The following RFC3 variants were observed in gnomAD, a reference collection of about 807,000 sequenced individuals.
RFC3 encodes the protein A1 38 kDa subunit.
In RFC3, 41 loss-of-function variants were observed where a neutral mutation model predicts 45.1. The observed-to-expected ratio is 0.91, with a 90% CI of 0.71 to 1.18. The LOEUF is 1.18. Ranked by LOEUF, RFC3 falls within the 50% of genes most tolerant of loss-of-function variation. The pLI, the probability that RFC3 is intolerant of heterozygous loss-of-function variation, is 0.00. For missense variants in RFC3, 423 were observed against 428.1 expected (o/e 0.99, Z 0.10); for synonymous variants, 149 against 144.0 (o/e 1.03, Z -0.25).
intron 4 of RFC3, among the ~76,000 whole-genome samples, chr13:33,827,554 G>A (rs928080951): frequency 2.0e-5 from 3 of 152,122 alleles, no homozygotes; most frequent in African/African-American, 7.2e-5. Context: ...AATAATACCT[G>A]ATTACAATTA....
chr13:33,834,329 T>TATATATATATATATATATACATAC (rs1300798923), intron 7 of RFC3, among the ~76,000 whole-genome samples: 3 of 125,106 alleles, frequency 2.4e-5, no homozygotes, highest in Admixed American at 8.4e-5. Flanking sequence ...TATATATATA[T>TATATATATATATATATATACATAC]ATCTGTACTG....
intron 1 of RFC3, among the ~76,000 whole-genome samples, 199 bp from the exon 2 acceptor site, chr13:33,820,933 A>G (rs2139374947): frequency 6.7e-6 from 1 of 148,592 alleles, no homozygotes; most frequent in African/African-American, 2.4e-5. Context: ...ATATATATAT[A>G]TAAAAGATAC....
At chr13:33,962,041 G>T (rs1489974585) in intron 8 of RFC3, among the ~76,000 whole-genome samples, 1 of 152,224 alleles carries the variant, frequency 6.6e-6, no homozygotes, top group Non-Finnish European at 1.5e-5. Flanking sequence ...TGGCTTGGGA[G>T]TGTCAGGCAA....
rs79978845 is a variant in RFC3, at chr13:33,842,905, T to C, written c.879+7688T>C. Among the ~76,000 whole-genome samples, 1,404 of 152,284 alleles carry C rather than the reference T, an allele frequency of 9.2e-3. 27 individuals are homozygous for C. The highest frequency in any genetic ancestry group is 0.032 in the African/African-American group (1,330 of 41,558). ...TAAAAATCTATGATTTTATGTTTCATATAAATTAAAAATTTGTTCATGGGA... is the reference window on the plus strand; with the variant it reads ...TAAAAATCTATGATTTTATGTTTCACATAAATTAAAAATTTGTTCATGGGA... On this transcript the variant is annotated intron_variant, in intron 8 of 8. Coordinates refer to the RFC3 transcript ENST00000434425.
chr13:33,879,729 T>G (rs1306512747), intron 8 of RFC3, among the ~76,000 whole-genome samples: 2 of 152,226 alleles, frequency 1.3e-5, no homozygotes, highest in Non-Finnish European at 2.9e-5. Context: ...CCAACAAACT[T>G]AGCGGTTTAA....
chr13:33,820,228 A>T (rs1288305147), intron 1 of RFC3, among the ~76,000 whole-genome samples: 1 of 152,234 alleles, frequency 6.6e-6, no homozygotes, highest in Non-Finnish European at 1.5e-5. Context: ...AGATACTGTT[A>T]GTGCCCTACC....
At chr13:33,866,491 TA>T (rs1379312815) in intron 8 of RFC3, among the ~76,000 whole-genome samples, 3 of 152,200 alleles carry the variant, frequency 2.0e-5, no homozygotes, top group African/African-American at 7.2e-5. Context: ...AAATAAGAAA[TA>T]AAACCATCTC....
chr13:33,959,975 G>A (rs934954949), intron 8 of RFC3, among the ~76,000 whole-genome samples: 7 of 152,114 alleles, frequency 4.6e-5, no homozygotes. Context: ...AGGTCACATA[G>A]TGAAAGCAGG....
chr13:33,868,608 A>C (rs901897263), intron 8 of RFC3, among the ~76,000 whole-genome samples: 3 of 152,182 alleles, frequency 2.0e-5, no homozygotes, highest in Non-Finnish European at 4.4e-5. Context: ...CTTCATTTAC[A>C]TAGAGTGTAA....
rs9570361 is a variant in RFC3 at position 33,845,597 on chromosome 13, G to C, written c.879+10380G>C. Among the ~76,000 whole-genome samples, 898 of 152,164 alleles carry C rather than the reference G, an allele frequency of 5.9e-3. 28 individuals are homozygous for C. In the East Asian group the frequency reaches 0.087, roughly 15 times the overall value. On this transcript the variant is annotated intron_variant, in intron 8 of 8. Coordinates refer to the RFC3 transcript ENST00000434425. ...ATTAATAGGCCAATTGAATTTTTCAGCTGCAGAATTTCTGTTTGATTTTTA... is the reference window on the plus strand; with the variant it reads ...ATTAATAGGCCAATTGAATTTTTCACCTGCAGAATTTCTGTTTGATTTTTA...
chr13:33,927,276 A>G (rs2082819948), intron 8 of RFC3, among the ~76,000 whole-genome samples: 1 of 151,984 alleles, frequency 6.6e-6, no homozygotes, highest in Non-Finnish European at 1.5e-5. Flanking sequence ...ACATGCCCAG[A>G]CCTGGATGGC....
At chr13:33,866,881 G>A (rs962130288) in intron 8 of RFC3, among the ~76,000 whole-genome samples, 1 of 152,066 alleles carries the variant, frequency 6.6e-6, no homozygotes, top group Non-Finnish European at 1.5e-5. Flanking sequence ...GGGTAAATAG[G>A]GTAAATAATC....
chr13:33,905,820 A>G (rs1350808038), intron 8 of RFC3, among the ~76,000 whole-genome samples: 1 of 152,094 alleles, frequency 6.6e-6, no homozygotes, highest in Non-Finnish European at 1.5e-5. Context: ...AAAACAAACA[A>G]ACCAAGAACA....
intron 7 of RFC3, among the ~76,000 whole-genome samples, chr13:33,833,621 C>G (rs2139418709): frequency 6.6e-6 from 1 of 152,266 alleles, no homozygotes; most frequent in East Asian, 1.9e-4. Context: ...GCACTACACA[C>G]AGTATAGTTA....
At chr13:33,827,818 T>G (rs1267432434) in intron 4 of RFC3, among the ~76,000 whole-genome samples, 3 of 152,224 alleles carry the variant, frequency 2.0e-5, no homozygotes, top group East Asian at 1.9e-4. Flanking sequence ...TTGGTCATTT[T>G]GTTAAAAGTA....
intron 8 of RFC3, chr13:33,847,181 C>A (rs2082243887): frequency 6.6e-6 from 1 of 152,404 alleles, no homozygotes; most frequent in Non-Finnish European, 1.5e-5. Context: ...GGATTACAGG[C>A]GTGAGCCACC....
Position 33,823,947 on chromosome 13 carries a change from AC to A in RFC3, c.258del (p.Ile87LeufsTer20). On this transcript the variant is annotated frameshift_variant, in exon 3 of 9. Coordinates refer to ENST00000380071, the MANE Select transcript of RFC3 (RefSeq NM_002915.4). LOFTEE classifies it high-confidence loss of function. ...ATCTAAAAAAAAAATTGAAATTAGC[AC>A]CATTGCAAGTAACTACCACCTTGAA... ...TPSKKKIEIS[T>X]IASNYHLEVN... is the part of the protein sequence containing the mutation. 1 of 1,569,148 alleles carries A rather than the reference AC, an allele frequency of 6.4e-7. No individual in the cohort carries two copies. Among genetic ancestry groups the A allele is most frequent in the Non-Finnish European group, 8.7e-7 (1 of 1,145,764 alleles).
chr13:33,873,223 T>C (rs923357171), intron 8 of RFC3, among the ~76,000 whole-genome samples: 5 of 152,176 alleles, frequency 3.3e-5, no homozygotes, highest in African/African-American at 7.2e-5. Context: ...GGGACAGTCA[T>C]TGAGTCAGAA....
intron 8 of RFC3, among the ~76,000 whole-genome samples, chr13:33,875,031 C>T (rs535651288): frequency 3.9e-5 from 6 of 152,168 alleles, no homozygotes; most frequent in South Asian, 2.1e-4. Flanking sequence ...AAGATTTACC[C>T]GGCGTCTTCC....
Sources: allele counts gnomAD v4.1 joint callset (sites outside exome capture counted in the v4.1 genomes callset), GRCh38; gene constraint gnomAD v4.1.1; transcripts MANE v1.5; gene names NCBI Gene and HGNC (gene_info 2026-07-23, HGNC 2026-07-21).